Variants in SLC11A1 observed in about 807,000 individuals in gnomAD.
The protein encoded by SLC11A1 is solute carrier family 11 member 1, also known as natural resistance-associated macrophage protein 1.
Under a neutral mutation model 63.2 loss-of-function variants are expected in SLC11A1, and 59 were observed. The ratio of observed to expected loss-of-function variants is 0.93; its 90% confidence interval spans 0.76 to 1.16. The LOEUF (loss-of-function observed/expected upper bound fraction) is 1.16. SLC11A1 is among the 50% of genes most tolerant of loss of function. The pLI is 0.00. For synonymous variants in SLC11A1, 305 were observed against 307.8 expected (o/e 0.99, Z 0.09); for missense variants, 688 against 730.7 (o/e 0.94, Z 0.67).
chr2:218,383,145 G>A (rs1695895812), intron 2 of SLC11A1, 43 bp downstream of exon 2: 1 of 1,601,530 alleles, frequency 6.2e-7, no homozygotes, highest in Non-Finnish European at 8.5e-7. Context: ...AGATTGACAG[G>A]ATCCTGAAGG....
Position 218,389,874 on chromosome 2 carries a change from G to C in SLC11A1, c.800G>C (p.Arg267Pro), listed in dbSNP as rs573763910. ...IYLHSALVKS[R>P]EIDRARRADI... ...CTCTCCCTTTGATCTTCGTAGTCTC[G>C]AGAGATAGACCGGGCCCGCCGAGCA... Residue 267 changes from arginine to proline, a missense_variant, in exon 9 of 15, where the codon CGA (arginine) becomes CCA (proline). By Grantham distance (103) the Arg-to-Pro change is moderately radical (BLOSUM62 -2). Coordinates refer to ENST00000233202, the MANE Select transcript of SLC11A1 (RefSeq NM_000578.4). 1.9e-6 allele frequency: 3 copies of C among 1,609,750 alleles called. No individual in the cohort carries two copies. Among genetic ancestry groups the C allele is most frequent in the Non-Finnish European group, 2.5e-6 (3 of 1,177,590 alleles).
chr2:218,384,867 G>T lies in SLC11A1; in HGVS notation c.274-280G>T. On this transcript the variant is annotated intron_variant, in intron 3 of 14. Transcript: ENST00000233202. The surrounding 1 kb of genome is among the most constrained non-coding windows in gnomAD (Gnocchi z 4.0). ...CTCCCAAAGTGCTGGGATAACAGGT[G>T]TGAGCCACCTTGCCTGGCGTAATTT... The T allele has an allele frequency of 2.7e-6, 1 of 370,308 alleles. No homozygotes were observed. The highest frequency in any genetic ancestry group is 2.2e-5 in the South Asian group (1 of 44,984). The allele number at this position is 370,308 out of a possible 1,614,324, so 22.9% of individuals were successfully genotyped here. A position where few individuals can be genotyped will look rare whatever the true frequency, so the allele number is the denominator to read the frequency against.
At position 218,384,218 on chromosome 2, in the gene SLC11A1, C is replaced by A. The variant is rs1193058628; in HGVS notation, c.151-25C>A. ...CATCCCTATACCCAGGACCCCCTCA[C>A]TCTACTCCTCCCACCCCCCAACAGG... On this transcript the variant is annotated intron_variant, in intron 2 of 14. Transcript: ENST00000233202. This position sits in a 1 kb window ranked among gnomAD's most constrained non-coding sequence, Gnocchi z 4.0. The A allele has an allele frequency of 2.5e-6, 4 of 1,574,946 alleles. No homozygotes were observed. The African/African-American group carries it at 4.0e-5, about 16-fold the overall frequency.
Position 218,396,504 on chromosome 2 carries a change from T to C in SLC11A1, c.*1469T>C, listed in dbSNP as rs560673811. 2 of 152,580 alleles carry C rather than the reference T, an allele frequency of 1.3e-5. No homozygotes were observed. Among genetic ancestry groups the C allele is most frequent in the African/African-American group, 2.4e-5 (1 of 41,586 alleles). The allele number at this position is 152,580 out of a possible 1,614,324, so 9.5% of individuals were successfully genotyped here. On this transcript the variant is annotated 3_prime_UTR_variant, in exon 15 of 15. Transcript: ENST00000233202. The stretch of plus-strand genomic sequence containing the variant: ...GACCCAGCAGGGCAGGCGGCCTGGC[T>C]CCGCGCTCAGGTCCGGACGCTTGTT...
intron 8 of SLC11A1, chr2:218,388,334 C>G (rs1256758702): frequency 5.4e-6 from 1 of 184,784 alleles, no homozygotes; most frequent in East Asian, 1.6e-4. Context: ...TGCCACTGCA[C>G]CACTCCAGCC....
chr2:218,382,359 C>A lies in SLC11A1; in HGVS notation c.-10C>A. The A allele has an allele frequency of 6.2e-7, 1 of 1,613,194 alleles. No homozygotes were observed. The highest frequency in any genetic ancestry group is 8.5e-7 in the Non-Finnish European group (1 of 1,179,488). ...CTCACACTCCCAGAGTACCTGAAGT[C>A]GGCATTTCAATGACAGGTGAGTAGT... is the stretch of plus-strand genomic sequence containing the variant. On this transcript the variant is annotated 5_prime_UTR_variant, in exon 1 of 15. Transcript: ENST00000233202.
rs1695946027 is a variant in SLC11A1 at position 218,384,130 on chromosome 2, G to A, written c.151-113G>A. 3.4e-6 allele frequency: 4 copies of A among 1,186,102 alleles called. No homozygotes were observed. In the African/African-American group the frequency reaches 6.2e-5, roughly 18 times the overall value. The allele number at this position is 1,186,102 out of a possible 1,614,324, so 73.5% of individuals were successfully genotyped here. On this transcript the variant is annotated intron_variant, in intron 2 of 14. Coordinates refer to ENST00000233202, the MANE Select transcript of SLC11A1 (RefSeq NM_000578.4). This position sits in a 1 kb window ranked among gnomAD's most constrained non-coding sequence, Gnocchi z 4.0. ...GCAGACCCAGGAATGGGCCATGGAGGGCAGGGCTGGGCTGATGAGCCTGTT... is the reference window on the plus strand; with the variant it reads ...GCAGACCCAGGAATGGGCCATGGAGAGCAGGGCTGGGCTGATGAGCCTGTT...
At position 218,391,503 on chromosome 2, in the gene SLC11A1, A is replaced by C. The variant is rs1696448864; in HGVS notation, c.1164+8A>C. The C allele has an allele frequency of 6.3e-7, 1 of 1,577,594 alleles. No homozygotes were observed. The highest frequency in any genetic ancestry group is 8.6e-7 in the Non-Finnish European group (1 of 1,161,944). On this transcript the variant is annotated splice_region_variant and intron_variant, in intron 11 of 14. Transcript: ENST00000233202. ...GGACAGTTCGTGATGGAGGTAGGGC[A>C]GGGGGCGGGCCCAGGAGGGCAAGGG...
In SLC11A1 at chr2:218,391,234, G is replaced by A. The variant is rs149379697; in HGVS notation, c.991G>A (p.Ala331Thr). The A allele has an allele frequency of 1.8e-5, 25 of 1,423,122 alleles. No individual in the cohort carries two copies. In the African/African-American group the frequency reaches 2.2e-4, roughly 13 times the overall value. 88.2% of individuals were successfully genotyped at this position (1,423,122 alleles called of 1,614,324 possible). A position where few individuals can be genotyped will look rare whatever the true frequency, so the allele number is the denominator to read the frequency against. ...TGCCAACAGCAGCCTCCACGACTACGCCAAGATCTTCCCCATGAACAACGC... is the reference window on the plus strand; with the variant it reads ...TGCCAACAGCAGCCTCCACGACTACACCAAGATCTTCCCCATGAACAACGC... The part of the protein sequence containing the change: ...ICANSSLHDY[A>T]KIFPMNNATV... Residue 331 changes from alanine (A) to threonine (T), a missense_variant, in exon 10 of 15, where the codon GCC becomes ACC. Transcript: ENST00000233202.
chr2:218,386,953 C>G (rs1432817497), intron 5 of SLC11A1: 1 of 647,140 alleles, frequency 1.5e-6, no homozygotes, highest in African/African-American at 1.8e-5. Context: ...CCCAAACTCC[C>G]TGCTGCGCCG....
At chr2:218,393,701 C>G (rs546064870) in intron 12 of SLC11A1, among the ~76,000 whole-genome samples, 7 of 152,126 alleles carry the variant, frequency 4.6e-5, no homozygotes, top group African/African-American at 1.7e-4. Flanking sequence ...TAGTCTCAAA[C>G]TCCTGACCTC....
In SLC11A1 at chr2:218,393,077, C is replaced by T; in HGVS notation, c.1261C>T (p.Leu421=). ...CGTGCTCGTGGCTGTCTTCCGGGAC[C>T]TGAGGGACTTGTCGGGCCTCAATGA... ...PTVLVAVFRD[L]RDLSGLNDLL... The change falls in exon 12 of 15, where the codon CTG becomes TTG. Residue 421 remains leucine (L), a synonymous_variant. Transcript: ENST00000233202. 1.3e-6 allele frequency: 2 copies of T among 1,598,060 alleles called. No individual in the cohort carries two copies. Among genetic ancestry groups the T allele is most frequent in the South Asian group, 2.2e-5 (2 of 89,380 alleles).
At chr2:218,385,122 A>C (rs184025548) in intron 3 of SLC11A1, 25 bp from the exon 4 acceptor site, 47 of 1,612,474 alleles carry the variant, frequency 2.9e-5, no homozygotes, top group Non-Finnish European at 3.9e-5. Context: ...TCTCTGGCTG[A>C]AGGCCTCTCC....
intron 1 of SLC11A1, among the ~76,000 whole-genome samples, chr2:218,382,638 A>T (rs1477987661): frequency 6.6e-6 from 1 of 152,160 alleles, no homozygotes; most frequent in Non-Finnish European, 1.5e-5. Flanking sequence ...GGGCTGCCGG[A>T]GAAGGTGAGG....
In SLC11A1 at chr2:218,396,260, G is replaced by C. The variant is rs905077817; in HGVS notation, c.*1225G>C. The C allele has an allele frequency of 2.0e-5, 3 of 152,350 alleles. No homozygotes were observed. Among genetic ancestry groups the C allele is most frequent in the Admixed American group, 1.3e-4 (2 of 15,290 alleles). The allele number at this position is 152,350 out of a possible 1,614,324, so 9.4% of individuals were successfully genotyped here. ...CGGGGAGCCCCCTCTGCCTTAGGGA[G>C]CGGCTGGGCACCCATTCGCCCCATT... On this transcript the variant is annotated 3_prime_UTR_variant, in exon 15 of 15. Transcript: ENST00000233202.
rs768307707 is a variant in SLC11A1, at chr2:218,396,348, A to G, written c.*1313A>G. On this transcript the variant is annotated 3_prime_UTR_variant, in exon 15 of 15. Transcript: ENST00000233202. ...CTAGGCTCCCCCAAGTCCCTCCTCC[A>G]GCCTCGTCGGGTCCCTCAGACCCCA... 2 of 152,460 alleles carry G rather than the reference A, an allele frequency of 1.3e-5. No homozygotes were observed. Among genetic ancestry groups the G allele is most frequent in the Non-Finnish European group, 2.9e-5 (2 of 68,188 alleles). The allele number at this position is 152,460 out of a possible 1,614,324, so 9.4% of individuals were successfully genotyped here. A position where few individuals can be genotyped will look rare whatever the true frequency, so the allele number is the denominator to read the frequency against.
At chr2:218,382,575 G>A (rs566663244) in intron 1 of SLC11A1, among the ~76,000 whole-genome samples, 200 bp downstream of exon 1, 9 of 152,198 alleles carry the variant, frequency 5.9e-5, no homozygotes, top group South Asian at 2.1e-4. Context: ...ACCCCTAAGC[G>A]GTCTACCTTT....
At chr2:218,394,882 G>C in intron 14 of SLC11A1, 43 bp from the exon 15 acceptor site, 1 of 1,605,668 alleles carries the variant, frequency 6.2e-7, no homozygotes, top group Non-Finnish European at 8.5e-7. Context: ...GGCTTCCCCA[G>C]AGGTCTTGGC....
chr2:218,391,353 T>A (rs368624123), intron 10 of SLC11A1, 23 bp from the exon 11 acceptor site: 2 of 1,613,922 alleles, frequency 1.2e-6, no homozygotes, highest in East Asian at 4.5e-5. Context: ...GGGCCACCGG[T>A]CCTACCACAC....
Sources: allele counts gnomAD v4.1 joint callset (sites outside exome capture counted in the v4.1 genomes callset), GRCh38; gene constraint gnomAD v4.1.1; non-coding constraint Gnocchi (gnomAD v3.1); transcripts MANE v1.5; gene names NCBI Gene and HGNC (gene_info 2026-07-23, HGNC 2026-07-21).